The following AOPEP variants were observed in gnomAD, a reference collection of about 807,000 sequenced individuals.
The protein encoded by AOPEP is aminopeptidase O.
AOPEP carries 77 observed loss-of-function variants against 98.1 expected under a neutral mutation model. The ratio of observed to expected loss-of-function variants is 0.78; its 90% CI spans 0.65 to 0.95. AOPEP has a LOEUF of 0.95. Among genes scored for constraint, AOPEP ranks in the 40% least tolerant of loss-of-function variants. The pLI, the probability that AOPEP is intolerant of heterozygous loss-of-function variation, is 0.00. For synonymous variants in AOPEP, 346 were observed against 365.3 expected, an observed-to-expected ratio of 0.95 and a Z score of 0.60; for missense variants, 1,024 against 1,024.7, an observed-to-expected ratio of 1.00 and a Z score of 0.01.
At chr9:94,861,618 C>CA (rs1210019821) in intron 5 of AOPEP, among the ~76,000 whole-genome samples, 1 of 152,210 alleles carries the variant, frequency 6.6e-6, no homozygotes, top group Admixed American at 6.5e-5. Context: ...GGGTGGTTCC[C>CA]ATGAGCTGTT....
chr9:94,849,026 G>A (rs985724614), intron 5 of AOPEP, among the ~76,000 whole-genome samples: 3 of 152,144 alleles, frequency 2.0e-5, no homozygotes, highest in Non-Finnish European at 2.9e-5. Context: ...CGATCCACTC[G>A]CCTCGGCCTC....
intron 16 of AOPEP, among the ~76,000 whole-genome samples, chr9:95,083,674 GGCACACACA>G (rs746064031): frequency 2.5e-4 from 35 of 142,740 alleles, no homozygotes; most frequent in Non-Finnish European, 2.6e-4. Context: ...GAGCACCTGC[GGCACACACA>G]GCACACACCG....
At chr9:95,044,220 A>G (rs1475594116) in intron 13 of AOPEP, among the ~76,000 whole-genome samples, 1 of 152,210 alleles carries the variant, frequency 6.6e-6, no homozygotes, top group Non-Finnish European at 1.5e-5. Flanking sequence ...TACAAGGCTT[A>G]AAAAAAGTAT....
At chr9:94,758,788 C>A (rs1837608544) in intron 1 of AOPEP, among the ~76,000 whole-genome samples, 1 of 152,098 alleles carries the variant, frequency 6.6e-6, no homozygotes, top group South Asian at 2.1e-4. Flanking sequence ...AATAATTTTT[C>A]TTTTAGCCAG....
chr9:94,784,017 A>C (rs984398522), intron 3 of AOPEP, among the ~76,000 whole-genome samples: 8 of 152,236 alleles, frequency 5.3e-5, no homozygotes, highest in Non-Finnish European at 1.0e-4. Context: ...CTGTTTGTCT[A>C]ACCTATAGTG....
chr9:95,122,358 C>G, the AOPEP span, among the ~76,000 whole-genome samples: 1 of 152,112 alleles, frequency 6.6e-6, no homozygotes, highest in Non-Finnish European at 1.5e-5. Flanking sequence ...TAAAAATGGA[C>G]AGTCAAGAAG....
At chr9:95,081,304 G>A (rs190309901) in intron 15 of AOPEP, among the ~76,000 whole-genome samples, 60 of 152,308 alleles carry the variant, frequency 3.9e-4, no homozygotes, top group African/African-American at 1.4e-3. Context: ...GCGGATCTGG[G>A]GAGACCTTCA....
At chr9:94,900,248 G>C (rs1043194082) in intron 5 of AOPEP, among the ~76,000 whole-genome samples, 1 of 152,198 alleles carries the variant, frequency 6.6e-6, no homozygotes, top group Non-Finnish European at 1.5e-5. Flanking sequence ...GACCCTTCTA[G>C]CAACCAAATT....
chr9:94,867,764 G>T (rs1203865488), intron 5 of AOPEP, among the ~76,000 whole-genome samples: 1 of 152,146 alleles, frequency 6.6e-6, no homozygotes, highest in Non-Finnish European at 1.5e-5. Flanking sequence ...GCCCTGATAG[G>T]ATCTGTTCTG....
At chr9:94,931,913 C>G in intron 7 of AOPEP, 1 of 1,159,214 alleles carries the variant, frequency 8.6e-7, no homozygotes, top group Non-Finnish European at 1.2e-6. Context: ...GGCAGGTTAA[C>G]AGTCTCCACT....
rs186508480 is a variant in AOPEP, at chr9:94,850,601, C to T, written c.1364+49599C>T. On this transcript the variant is annotated intron_variant, in intron 5 of 16. Coordinates refer to ENST00000375315, the MANE Select transcript of AOPEP (RefSeq NM_001193329.3). ...TAGAGTGGAATTTGAGCTCACCGCC[C>T]GACTCCAGAGTGGTGCCCTTAATTA... 3.3e-5 allele frequency among the ~76,000 whole-genome samples: 5 copies of T among 152,274 alleles called. No individual in the cohort carries two copies. The East Asian group carries it at 5.8e-4, about 18-fold the overall frequency.
intron 1 of AOPEP, among the ~76,000 whole-genome samples, chr9:94,738,664 C>T (rs1832339704): frequency 6.6e-6 from 1 of 152,162 alleles, no homozygotes; most frequent in Admixed American, 6.5e-5. Flanking sequence ...AGTTCCGCTC[C>T]CCGGGTTCAC....
At chr9:95,032,145 A>G (rs1050214850) in intron 13 of AOPEP, among the ~76,000 whole-genome samples, 1 of 152,314 alleles carries the variant, frequency 6.6e-6, no homozygotes, top group Admixed American at 6.5e-5. Flanking sequence ...GAGCCTGCAA[A>G]CACACTTTAT....
At chr9:94,976,716 G>C (rs1040509862) in intron 10 of AOPEP, among the ~76,000 whole-genome samples, 12 of 151,406 alleles carry the variant, frequency 7.9e-5, no homozygotes, top group Admixed American at 1.3e-4. Flanking sequence ...CCCCAGGCTG[G>C]AGTGTAGTGG....
chr9:95,101,511 G>A, the AOPEP span: 1 of 667,246 alleles, frequency 1.5e-6, no homozygotes, highest in Non-Finnish European at 2.6e-6. Flanking sequence ...ATGTCTGACT[G>A]AGTCTGGGCT....
intron 13 of AOPEP, chr9:95,019,028 A>G (rs995159745): frequency 6.6e-6 from 1 of 152,166 alleles, no homozygotes; most frequent in Admixed American, 6.5e-5. Flanking sequence ...AAATTTATTT[A>G]TAGACGTTAA....
At chr9:94,756,420 T>C (rs1837064311) in intron 1 of AOPEP, among the ~76,000 whole-genome samples, 4 of 149,850 alleles carry the variant, frequency 2.7e-5, no homozygotes, top group Admixed American at 6.6e-5. Context: ...AAAAGTTAGA[T>C]GAGTGTGGTG....
the AOPEP span, among the ~76,000 whole-genome samples, chr9:95,094,378 A>G: frequency 6.6e-6 from 1 of 152,228 alleles, no homozygotes; most frequent in Non-Finnish European, 1.5e-5. Context: ...GTCAGGACCC[A>G]GCTCAGCAGC....
the AOPEP span, chr9:95,123,977 C>G: frequency 0.016 from 5,812 of 357,304 alleles, 95 homozygotes; most frequent in Middle Eastern, 0.055. Flanking sequence ...GTGACATGCA[C>G]CTGTGGTCCC....
Sources: gnomAD v4.1 joint callset for allele counts (sites outside exome capture counted in the v4.1 genomes callset) on GRCh38, gnomAD v4.1.1 for gene constraint, MANE v1.5 for transcripts, NCBI Gene and HGNC (gene_info 2026-07-23, HGNC 2026-07-21) for gene names.